The following IGSF22 variants were observed in gnomAD, a reference collection of about 807,000 sequenced individuals.
IGSF22 encodes immunoglobulin superfamily, member 22.
IGSF22 carries 119 observed loss-of-function variants against 127.0 expected under a neutral mutation model. The observed-to-expected ratio is 0.94, with a 90% CI of 0.81 to 1.09. The LOEUF (loss-of-function observed/expected upper bound fraction) is 1.09, where lower values mean the gene tolerates loss of function less well. Among genes scored for constraint, IGSF22 ranks in the 50% least tolerant of loss-of-function variants. The pLI is 0.00. For synonymous variants in IGSF22, 568 were observed against 664.7 expected, an observed-to-expected ratio of 0.85 and a Z score of 2.24; for missense variants, 1,518 against 1,716.6, an observed-to-expected ratio of 0.88 and a Z score of 2.04.
At position 18,724,249 on chromosome 11, in the gene IGSF22, C is replaced by T. The variant is rs746501384; in HGVS notation, c.-13G>A. The T allele has an allele frequency of 5.6e-6, 9 of 1,597,556 alleles. No homozygotes were observed. The highest frequency in any genetic ancestry group is 1.7e-5 in the Admixed American group (1 of 59,920). ...GAATGGTTGTCATGGTGACAGCAGG[C>T]GTGGGCACTCACCTGTGAGACTGGG... On this transcript the variant is annotated 5_prime_UTR_variant, in exon 2 of 23. Coordinates refer to ENST00000513874, the MANE Select transcript of IGSF22 (RefSeq NM_173588.4).
At position 18,714,575 on chromosome 11, in the gene IGSF22, A is replaced by C. The variant is rs751719101; in HGVS notation, c.1581T>G (p.Thr527=). 3 of 1,614,080 alleles carry C rather than the reference A, an allele frequency of 1.9e-6. No individual in the cohort carries two copies. Among genetic ancestry groups the C allele is most frequent in the African/African-American group, 2.7e-5 (2 of 74,922 alleles). Reference sequence around the variant, plus strand: ...CTACACACAACTCAGCTGGGCTCCCAGTGGCCGCGTGCACGTCGGACATCC... The same window carrying C: ...CTACACACAACTCAGCTGGGCTCCCCGTGGCCGCGTGCACGTCGGACATCC... ...KSGMSDVHAA[T]GSPAELCVVL... is the part of the protein sequence containing the mutation. The change falls in exon 12 of 23, where the codon ACT becomes ACG. Residue 527 remains threonine (T), a synonymous_variant. Coordinates refer to ENST00000513874, the MANE Select transcript of IGSF22 (RefSeq NM_173588.4).
At chr11:18,711,547 G>A (rs567976273) in intron 15 of IGSF22, among the ~76,000 whole-genome samples, 3 of 152,018 alleles carry the variant, frequency 2.0e-5, no homozygotes, top group South Asian at 2.1e-4. Flanking sequence ...ACAGGAGCCC[G>A]CCACCACACC....
At chr11:18,722,192 G>A in intron 2 of IGSF22, 151 bp from the exon 3 acceptor site, 1 of 885,320 alleles carries the variant, frequency 1.1e-6, no homozygotes, top group South Asian at 1.7e-5. Context: ...GGAGAAAGCA[G>A]GGTGAGTCGA....
In IGSF22 at chr11:18,709,494, C is replaced by A. The variant is rs972906370; in HGVS notation, c.2891G>T (p.Gly964Val). 19 of 1,614,098 alleles carry A rather than the reference C, an allele frequency of 1.2e-5. No homozygotes were observed. Among genetic ancestry groups the A allele is most frequent in the Non-Finnish European group, 1.4e-5 (17 of 1,180,050 alleles). Residue 964 changes from glycine to valine, a missense_variant, in exon 18 of 23, where the codon GGA becomes GTA. Physicochemically the swap from Gly to Val is moderately radical, Grantham distance 109 (BLOSUM62 -3). This residue lies in a region of IGSF22 where 1,456 missense variants were observed against 1,644.9 expected (regional missense o/e 0.89). Transcript: ENST00000513874. This position sits in a 1 kb window ranked among gnomAD's most constrained non-coding sequence, Gnocchi z 4.8. Reference protein sequence around the residue: ...PISGTCYTVGGLIERQKYFFR... With the variant: ...PISGTCYTVGVLIERQKYFFR... ...GAAGTATTTCTGCCTCTCGATGAGT[C>A]CTCCCACTGTGTAGCAGGTGCCTGA... is the stretch of plus-strand genomic sequence containing the variant.
Position 18,705,803 on chromosome 11 carries a change from C to T in IGSF22, c.3910+14G>A. ...TCTCCCCCTCCTCGAGGCCGGACCCCGCGGCGCCCTCACCATAGACGGTGA... is the reference window on the plus strand; with the variant it reads ...TCTCCCCCTCCTCGAGGCCGGACCCTGCGGCGCCCTCACCATAGACGGTGA... On this transcript the variant is annotated intron_variant, in intron 22 of 22. Transcript: ENST00000513874. The T allele has an allele frequency of 6.6e-7, 1 of 1,526,414 alleles. No homozygotes were observed. Among genetic ancestry groups the T allele is most frequent in the Non-Finnish European group, 8.8e-7 (1 of 1,133,082 alleles). 94.6% of individuals were successfully genotyped at this position (1,526,414 alleles called of 1,614,324 possible). A position where few individuals can be genotyped will look rare whatever the true frequency, so the allele number is the denominator to read the frequency against.
intron 1 of IGSF22, among the ~76,000 whole-genome samples, chr11:18,725,505 A>C (rs1229823521): frequency 6.6e-6 from 1 of 151,642 alleles, no homozygotes; most frequent in Non-Finnish European, 1.5e-5. Context: ...CAGTGGCACG[A>C]TCTTGGCCCA....
At chr11:18,720,363 CT>C (rs76183328) in intron 4 of IGSF22, 78 bp from the exon 5 acceptor site, 154,569 of 707,978 alleles carry the variant, frequency 0.22, 6 homozygotes, top group South Asian at 0.31. Flanking sequence ...GGTAGGAGGC[CT>C]TTTTTTTTTT....
rs1414187635 is a variant in IGSF22 at position 18,707,915 on chromosome 11, G to A, written c.3169C>T (p.His1057Tyr). The A allele has an allele frequency of 6.2e-7, 1 of 1,614,212 alleles. No homozygotes were observed. Among genetic ancestry groups the A allele is most frequent in the Non-Finnish European group, 8.5e-7 (1 of 1,180,042 alleles). The stretch of plus-strand genomic sequence containing the variant: ...GTGCTATTAATGAGGAACTGGGAGT[G>A]GTTTTTGCTCTTGGTAATTGTCTCT... ...GRETITKSKN[H>Y]SQFLINSTKR... The change falls in exon 20 of 23, where the codon CAC becomes TAC. Residue 1057 changes from histidine to tyrosine, a missense_variant. Coordinates refer to ENST00000513874, the MANE Select transcript of IGSF22 (RefSeq NM_173588.4).
intron 7 of IGSF22, 80 bp downstream of exon 7, chr11:18,719,636 T>G: frequency 1.4e-6 from 2 of 1,421,714 alleles, no homozygotes; most frequent in Non-Finnish European, 1.9e-6. Context: ...ACCTTCTTGC[T>G]GAGAAATACA....
Position 18,716,193 on chromosome 11 carries a change from C to T in IGSF22, c.1247-477G>A, listed in dbSNP as rs1006298845. Among the ~76,000 whole-genome samples, 2 of 152,162 alleles carry T rather than the reference C, an allele frequency of 1.3e-5. No homozygotes were observed. The highest frequency in any genetic ancestry group is 2.4e-5 in the African/African-American group (1 of 41,448). Reference sequence around the variant, plus strand: ...GAACTCCTTTTAGTTCTTGGTAAAGCTCGGACATCATTTCATTATATCATT... The same window carrying T: ...GAACTCCTTTTAGTTCTTGGTAAAGTTCGGACATCATTTCATTATATCATT... On this transcript the variant is annotated intron_variant, in intron 10 of 22. Coordinates refer to ENST00000513874, the MANE Select transcript of IGSF22 (RefSeq NM_173588.4). The surrounding 1 kb of genome is among the most constrained non-coding windows in gnomAD (Gnocchi z 4.5).
chr11:18,705,612 T>C (rs1339721140), intron 22 of IGSF22: 9 of 591,750 alleles, frequency 1.5e-5, no homozygotes, highest in Admixed American at 9.1e-5. Flanking sequence ...TTGAGAACTC[T>C]CATGTCTGCA....
intron 9 of IGSF22, among the ~76,000 whole-genome samples, 166 bp from the exon 10 acceptor site, chr11:18,717,166 A>G (rs1848478599): frequency 6.6e-6 from 1 of 152,182 alleles, no homozygotes; most frequent in African/African-American, 2.4e-5. Flanking sequence ...GTCCCCTCCT[A>G]TGATATTCAT....
Position 18,710,211 on chromosome 11 carries a change from T to C in IGSF22, c.2701+116A>G, listed in dbSNP as rs937297564. On this transcript the variant is annotated intron_variant, in intron 17 of 22. Coordinates refer to ENST00000513874, the MANE Select transcript of IGSF22 (RefSeq NM_173588.4). ...TTGTCCCTCTATGAGGCTGGCAGTT[T>C]CCAGAGTGTAGAGACTGTGATACCT... is the stretch of plus-strand genomic sequence containing the variant. 1.3e-5 allele frequency: 17 copies of C among 1,354,060 alleles called. No homozygotes were observed. The Middle Eastern group carries it at 1.1e-3, about 90-fold the overall frequency. The allele number at this position is 1,354,060 out of a possible 1,614,324, so 83.9% of individuals were successfully genotyped here. A position where few individuals can be genotyped will look rare whatever the true frequency, so the allele number is the denominator to read the frequency against.
intron 11 of IGSF22, 143 bp downstream of exon 11, chr11:18,715,283 AGGTGAG>A: frequency 1.4e-6 from 1 of 737,614 alleles, no homozygotes; most frequent in Non-Finnish European, 2.3e-6. Flanking sequence ...AGAATTTAGG[AGGTGAG>A]GGTGATCAGA....
In IGSF22 at chr11:18,721,994, A is replaced by C; in HGVS notation, c.157T>G (p.Leu53Val). 1.9e-6 allele frequency: 3 copies of C among 1,614,132 alleles called. No individual in the cohort carries two copies. The highest frequency in any genetic ancestry group is 2.2e-5 in the South Asian group (2 of 91,084). ...KSSSIVEFFS[L>V]VTRSSNIPAG... ...GGGATGTTTGAGCTCCGGGTCACTA[A>C]GCTGAAGAACTCCACTATGCTCGAG... The change falls in exon 3 of 23, where the codon TTA becomes GTA. Residue 53 changes from leucine (L) to valine (V), a missense_variant. Leu to Val is a conservative substitution (Grantham distance 32). This residue lies in a region of IGSF22 where 1,456 missense variants were observed against 1,644.9 expected (regional missense o/e 0.89). Transcript: ENST00000513874.
chr11:18,721,761 A>T, intron 3 of IGSF22, 90 bp from the exon 4 acceptor site: 1 of 1,590,276 alleles, frequency 6.3e-7, no homozygotes, highest in South Asian at 1.1e-5. Flanking sequence ...CCTCCCAGAC[A>T]CCTGGGCCTG....
chr11:18,704,978 A>AT (rs1360165422), intron 22 of IGSF22, among the ~76,000 whole-genome samples: 1 of 152,194 alleles, frequency 6.6e-6, no homozygotes, highest in Admixed American at 6.5e-5. Context: ...CTCTGGAGAT[A>AT]TTGTCTCAGT....
At chr11:18,724,538 G>A (rs1049692592) in intron 1 of IGSF22, among the ~76,000 whole-genome samples, 1 of 152,202 alleles carries the variant, frequency 6.6e-6, no homozygotes, top group Non-Finnish European at 1.5e-5. Flanking sequence ...AGCCAACCAA[G>A]TAAGGCCTGG....
At chr11:18,704,631 C>A in intron 22 of IGSF22, 93 bp from the exon 23 acceptor site, 1 of 801,070 alleles carries the variant, frequency 1.2e-6, no homozygotes, top group Non-Finnish European at 2.1e-6. Flanking sequence ...AAACCAGGAG[C>A]TGGACCCTGG....
Sources: allele counts gnomAD v4.1 joint callset (sites outside exome capture counted in the v4.1 genomes callset), GRCh38; gene constraint gnomAD v4.1.1; regional missense constraint gnomAD v4.1.1; non-coding constraint Gnocchi (gnomAD v3.1); transcripts MANE v1.5; gene names NCBI Gene and HGNC (gene_info 2026-07-23, HGNC 2026-07-21).